PLCH2: variants seen among roughly 807,000 people sequenced by gnomAD.
PLCH2 encodes 1-phosphatidylinositol 4,5-bisphosphate phosphodiesterase eta-2.
Under a neutral mutation model 134.7 loss-of-function variants are expected in PLCH2, and 98 were observed. The ratio of observed to expected loss-of-function variants is 0.73; its 90% CI spans 0.62 to 0.86. The LOEUF is 0.86. Ranked by LOEUF, PLCH2 falls within the 40% of genes least tolerant of loss-of-function variation. PLCH2 has a pLI of 0.00. For synonymous variants in PLCH2, 974 were observed against 827.5 expected (o/e 1.18, Z -3.04); for missense variants, 1,994 against 1,986.6 (o/e 1.00, Z -0.07).
At chr1:2,487,463 T>G in intron 7 of PLCH2, 87 bp downstream of exon 7, 1 of 1,478,674 alleles carries the variant, frequency 6.8e-7, no homozygotes. Flanking sequence ...GGGGGATCTC[T>G]GGGCAGGGGC....
intron 2 of PLCH2, among the ~76,000 whole-genome samples, chr1:2,453,117 C>T (rs188377470): frequency 6.2e-4 from 95 of 152,260 alleles, no homozygotes; most frequent in African/African-American, 2.1e-3. Context: ...AGGCCTGGGC[C>T]GCCCATCCCC....
chr1:2,438,966 G>A (rs979375855), intron 2 of PLCH2, among the ~76,000 whole-genome samples: 3 of 152,342 alleles, frequency 2.0e-5, no homozygotes, highest in South Asian at 2.1e-4. Flanking sequence ...TGGATGGGCC[G>A]ATGGAGCCCA....
intron 2 of PLCH2, among the ~76,000 whole-genome samples, chr1:2,443,697 C>T (rs187744641): frequency 6.7e-6 from 1 of 148,356 alleles, no homozygotes; most frequent in East Asian, 1.9e-4. Context: ...GGCCCCCTCC[C>T]GGCGCGGGGC....
In PLCH2 at chr1:2,476,460, A is replaced by G. The variant is rs566856302; in HGVS notation, c.-129A>G. On this transcript the variant is annotated 5_prime_UTR_variant, in exon 1 of 22. Transcript: ENST00000378486. ...GCTTCGGAGGGCCCTGAGGAGGAGGAGGAAGAGGCAGAGGAGAGAAGGCCC... is the reference window on the plus strand; with the variant it reads ...GCTTCGGAGGGCCCTGAGGAGGAGGGGGAAGAGGCAGAGGAGAGAAGGCCC... 2.3e-5 allele frequency: 20 copies of G among 873,096 alleles called. No homozygotes were observed. The African/African-American group carries it at 3.3e-4, about 14-fold the overall frequency. 54.1% of individuals were successfully genotyped at this position (873,096 alleles called of 1,614,324 possible).
intron 14 of PLCH2, 49 bp downstream of exon 14, chr1:2,496,753 C>A (rs776889201): frequency 4.3e-6 from 7 of 1,610,652 alleles, no homozygotes; most frequent in Non-Finnish European, 5.9e-6. Context: ...TCCCTGTCCC[C>A]CATCCCTGCT....
At chr1:2,446,274 C>T (rs774481329) in intron 2 of PLCH2, among the ~76,000 whole-genome samples, 72 of 152,262 alleles carry the variant, frequency 4.7e-4, no homozygotes, top group Admixed American at 9.8e-4. Context: ...CCAATGGCCC[C>T]TGGGCACAAG....
chr1:2,505,526 C>G lies in PLCH2; in HGVS notation c.*313C>G, dbSNP rs111245351. On this transcript the variant is annotated 3_prime_UTR_variant, in exon 22 of 22. Coordinates refer to ENST00000378486, the MANE Select transcript of PLCH2 (RefSeq NM_014638.4). ...ACAACATTAAAATGATACCAAGTCC[C>G]TTTCCATTTTTACCTGGTTTTTCAC... 3.7e-5 allele frequency: 15 copies of G among 403,460 alleles called. No homozygotes were observed. Among genetic ancestry groups the G allele is most frequent in the African/African-American group, 2.5e-4 (12 of 47,142 alleles). 25.0% of individuals were successfully genotyped at this position (403,460 alleles called of 1,614,324 possible). A position where few individuals can be genotyped will look rare whatever the true frequency, so the allele number is the denominator to read the frequency against.
At position 2,487,353 on chromosome 1, in the gene PLCH2, A is replaced by G; in HGVS notation, c.1091A>G (p.Gln364Arg). 1.2e-6 allele frequency: 2 copies of G among 1,613,348 alleles called. No homozygotes were observed. Among genetic ancestry groups the G allele is most frequent in the Non-Finnish European group, 1.7e-6 (2 of 1,179,806 alleles). Residue 364 changes from glutamine (Q) to arginine (R), a missense_variant, in exon 7 of 22, where the codon CAG becomes CGG. By Grantham distance (43) the Gln-to-Arg change is conservative. Coordinates refer to ENST00000378486, the MANE Select transcript of PLCH2 (RefSeq NM_014638.4). ...GTGGACATGTATGCTTGGGTCCTGC[A>G]GGCTGGCTGCCGCTGCGTGGAGGGT... is the stretch of plus-strand genomic sequence containing the variant. ...SRVDMYAWVL[Q>R]AGCRCVEVDC... is the part of the protein sequence containing the mutation.
At chr1:2,438,274 G>A (rs1202010015) in intron 2 of PLCH2, among the ~76,000 whole-genome samples, 2 of 152,252 alleles carry the variant, frequency 1.3e-5, no homozygotes, top group East Asian at 3.9e-4. Context: ...TTACAAGGAA[G>A]TGTGCACTGG....
In PLCH2 at chr1:2,505,464, A is replaced by C; in HGVS notation, c.*251A>C. ...TTTCCCGGCGTTTTAGGATCTGTAC[A>C]TAGAGAAATATTTAAATTTTTAGAA... is the stretch of plus-strand genomic sequence containing the variant. On this transcript the variant is annotated 3_prime_UTR_variant, in exon 22 of 22. Coordinates refer to ENST00000378486, the MANE Select transcript of PLCH2 (RefSeq NM_014638.4). The C allele has an allele frequency of 3.8e-6, 2 of 531,570 alleles. No homozygotes were observed. The highest frequency in any genetic ancestry group is 6.6e-6 in the Non-Finnish European group (2 of 304,208). 32.9% of individuals were successfully genotyped at this position (531,570 alleles called of 1,614,324 possible).
chr1:2,459,088 T>C (rs1283017730), intron 2 of PLCH2, among the ~76,000 whole-genome samples: 2 of 152,232 alleles, frequency 1.3e-5, no homozygotes, highest in African/African-American at 4.8e-5. Context: ...GTTGCACCCA[T>C]CTGGAGGTGG....
chr1:2,474,485 G>C (rs1641508622), upstream of PLCH2, among the ~76,000 whole-genome samples: 1 of 152,038 alleles, frequency 6.6e-6, no homozygotes, highest in African/African-American at 2.4e-5. Context: ...CAGGAGCCTG[G>C]GACCCACGTT....
chr1:2,428,826 T>TG (rs1445812056), intron 1 of PLCH2, among the ~76,000 whole-genome samples: 2 of 152,170 alleles, frequency 1.3e-5, no homozygotes, highest in African/African-American at 4.8e-5. Flanking sequence ...ACCCCATGCC[T>TG]GGGGGTGAGC....
At chr1:2,500,068 G>A (rs989935380) in intron 20 of PLCH2, 39 of 378,700 alleles carry the variant, frequency 1.0e-4, no homozygotes, top group Non-Finnish European at 1.8e-4. Flanking sequence ...CTTCTCAGCA[G>A]GGACCGAGTG....
At chr1:2,453,562 A>G (rs1377532677) in intron 2 of PLCH2, among the ~76,000 whole-genome samples, 1 of 152,142 alleles carries the variant, frequency 6.6e-6, no homozygotes, top group African/African-American at 2.4e-5. Flanking sequence ...GTGTCTTCAC[A>G]GGGCCCTGTG....
At chr1:2,461,731 C>T (rs1188069694) in intron 2 of PLCH2, among the ~76,000 whole-genome samples, 2 of 152,202 alleles carry the variant, frequency 1.3e-5, no homozygotes, top group African/African-American at 4.8e-5. Context: ...GCGCCTCTGC[C>T]TTGGCATTAA....
At chr1:2,461,559 T>C (rs530239718) in intron 2 of PLCH2, among the ~76,000 whole-genome samples, 82 of 152,222 alleles carry the variant, frequency 5.4e-4, no homozygotes, top group African/African-American at 1.8e-3. Flanking sequence ...CAGCTTTCGC[T>C]CCCTGCTGGG....
At chr1:2,433,386 G>C (rs1639163291) in intron 2 of PLCH2, among the ~76,000 whole-genome samples, 1 of 152,238 alleles carries the variant, frequency 6.6e-6, no homozygotes, top group Non-Finnish European at 1.5e-5. Flanking sequence ...GCCGGGGGCT[G>C]CTGAGGCCCA....
chr1:2,427,768 C>CGAGCCCTCCAGAAGTGG (rs1177382702), intron 1 of PLCH2, among the ~76,000 whole-genome samples: 10 of 152,018 alleles, frequency 6.6e-5, no homozygotes, highest in African/African-American at 1.2e-4. Flanking sequence ...AAGCAGCCGG[C>CGAGCCCTCCAGAAGTGG]GAGCCCTCCA....
Sources: gnomAD v4.1 joint callset for allele counts (sites outside exome capture counted in the v4.1 genomes callset) on GRCh38, gnomAD v4.1.1 for gene constraint, MANE v1.5 for transcripts, NCBI Gene and HGNC (gene_info 2026-07-23, HGNC 2026-07-21) for gene names.